Variants in PDE4A observed in about 807,000 individuals in gnomAD.
The protein encoded by PDE4A is phosphodiesterase 4A.
A neutral mutation model predicts 73.9 loss-of-function variants in PDE4A; 21 were observed. The observed-to-expected ratio is 0.28, with a 90% CI of 0.20 to 0.41. The LOEUF is 0.41. Among genes scored for constraint, PDE4A ranks in the 10% least tolerant of loss-of-function variants. PDE4A has a pLI of 1.00. For missense variants in PDE4A, 958 were observed against 1,211.4 expected, an observed-to-expected ratio of 0.79 and a Z score of 3.10; for synonymous variants, 463 against 505.4, an observed-to-expected ratio of 0.92 and a Z score of 1.13.
At chr19:10,447,265 G>A (rs1183268813) in intron 2 of PDE4A, among the ~76,000 whole-genome samples, 1 of 103,096 alleles carries the variant, frequency 9.7e-6, no homozygotes, top group Non-Finnish European at 1.8e-5. Context: ...TCACACTGTC[G>A]CCCAGGCTGG....
intron 1 of PDE4A, among the ~76,000 whole-genome samples, chr19:10,429,279 G>GAAGA (rs201177635): frequency 0.15 from 18,202 of 120,154 alleles, 1,365 homozygotes; most frequent in South Asian, 0.25. Flanking sequence ...AGGAAGGAAG[G>GAAGA]AAGAAAGAAA....
At chr19:10,416,969 C>T (rs117320342), upstream of PDE4A, 2 of 1,544,348 alleles carry the variant, frequency 1.3e-6, no homozygotes, top group Non-Finnish European at 1.7e-6. Flanking sequence ...GTGCCCTGTC[C>T]GTGGCAGGGA....
intron 7 of PDE4A, among the ~76,000 whole-genome samples, chr19:10,456,576 G>T (rs552646553): frequency 3.9e-4 from 59 of 151,794 alleles, no homozygotes; most frequent in African/African-American, 1.3e-3. Context: ...AACTAGTCGG[G>T]CATGGTGGCG....
intron 6 of PDE4A, chr19:10,452,966 T>G: frequency 5.1e-6 from 6 of 1,180,004 alleles, no homozygotes; most frequent in Non-Finnish European, 6.3e-6. Flanking sequence ...CTCCGCAGCC[T>G]CCTCCTGGGA....
At chr19:10,466,825 A>C in intron 14 of PDE4A, 62 bp from the exon 15 acceptor site, 1 of 1,560,112 alleles carries the variant, frequency 6.4e-7, no homozygotes. Flanking sequence ...ATTAGCTCCC[A>C]TAATGTGGTG....
At chr19:10,446,125 G>A in intron 1 of PDE4A, 93 bp from the exon 2 acceptor site, 1 of 1,488,550 alleles carries the variant, frequency 6.7e-7, no homozygotes, top group South Asian at 1.3e-5. Context: ...AGGCATTACA[G>A]GCGTGAGCCA....
At chr19:10,420,383 C>A (rs2042632445), upstream of PDE4A, 1 of 977,608 alleles carries the variant, frequency 1.0e-6, no homozygotes, top group Non-Finnish European at 1.2e-6. The surrounding 1 kb of genome is among the most constrained non-coding windows in gnomAD (Gnocchi z 6.0). Context: ...GAAGGGCCCC[C>A]CTCCTTAGGT....
At chr19:10,418,696 T>G, upstream of PDE4A, 28 of 878,976 alleles carry the variant, frequency 3.2e-5, no homozygotes, top group South Asian at 1.0e-4. Flanking sequence ...CCGCTCCTCG[T>G]TTCCTCCTTC....
upstream of PDE4A, chr19:10,417,760 C>A (rs1234056361): frequency 5.7e-6 from 9 of 1,575,910 alleles, no homozygotes; most frequent in South Asian, 1.1e-5. Context: ...CTGGGCTGGG[C>A]CCAGCCTGAG....
chr19:10,461,971 T>A lies in PDE4A; in HGVS notation c.1715T>A (p.Leu572Gln). Residue 572 changes from leucine (L) to glutamine (Q), a missense_variant, in exon 13 of 15, where the codon CTG becomes CAG. By Grantham distance (113) the Leu-to-Gln change is moderately radical. Around this residue, in one of 3 missense-constraint regions of PDE4A, gnomAD observed 570 missense variants for 827.7 expected, o/e 0.69. Transcript: ENST00000380702. The part of the protein sequence containing the change: ...TKKVTSSGVL[L>Q]LDNYSDRIQV... ...AAAGTGACCAGCTCAGGGGTCCTCC[T>A]GCTAGATAACTACTCCGACCGCATC... is the stretch of plus-strand genomic sequence containing the variant. The A allele has an allele frequency of 2.5e-6, 4 of 1,613,974 alleles. No individual in the cohort carries two copies. The highest frequency in any genetic ancestry group is 3.4e-6 in the Non-Finnish European group (4 of 1,179,934).
intron 1 of PDE4A, among the ~76,000 whole-genome samples, chr19:10,443,280 G>T (rs996423384): frequency 2.6e-5 from 4 of 152,112 alleles, no homozygotes; most frequent in African/African-American, 9.7e-5. Flanking sequence ...CAGTGTTTTG[G>T]GAGCCCAAGG....
chr19:10,454,483 G>A (rs1433464811), intron 6 of PDE4A, among the ~76,000 whole-genome samples: 1 of 152,176 alleles, frequency 6.6e-6, no homozygotes, highest in Non-Finnish European at 1.5e-5. Flanking sequence ...CCATGGCGAC[G>A]GGATTCTCCT....
At chr19:10,448,863 C>G in intron 2 of PDE4A, 54 bp from the exon 3 acceptor site, 2 of 1,610,884 alleles carry the variant, frequency 1.2e-6, no homozygotes, top group Non-Finnish European at 1.7e-6. Context: ...GGGCATCTAC[C>G]CCAGACAGTT....
rs199807445 is a variant in PDE4A, at chr19:10,467,048, G to C, written c.2088G>C (p.Arg696Ser). 6.6e-5 allele frequency: 107 copies of C among 1,614,164 alleles called. No homozygotes were observed. Among genetic ancestry groups the C allele is most frequent in the Non-Finnish European group, 8.3e-5 (98 of 1,180,038 alleles). Residue 696 changes from arginine to serine, a missense_variant, in exon 15 of 15, where the codon AGG (arginine) becomes AGC (serine). Physicochemically the swap from Arg to Ser is moderately radical, Grantham distance 110 (BLOSUM62 -1). This residue lies in a region of PDE4A where 243 missense variants were observed against 245.9 expected (regional missense o/e 0.99). Transcript: ENST00000380702. ...SPSPPPEEES[R>S]GPGHPPLPDK... is the part of the protein sequence containing the mutation. ...CTCCGCCACCCGAGGAGGAGTCAAG[G>C]GGGCCAGGCCACCCACCCCTGCCTG... is the stretch of plus-strand genomic sequence containing the variant.
intron 1 of PDE4A, among the ~76,000 whole-genome samples, chr19:10,444,812 A>G (rs928848572): frequency 6.6e-6 from 1 of 151,756 alleles, no homozygotes; most frequent in African/African-American, 2.4e-5. Context: ...AGCTGGGATT[A>G]CAGGCATCCA....
intron 14 of PDE4A, among the ~76,000 whole-genome samples, chr19:10,465,667 T>C (rs1186203403): frequency 8.1e-6 from 1 of 123,492 alleles, no homozygotes; most frequent in Non-Finnish European, 1.8e-5. Context: ...TTCATAGCAA[T>C]AGTTTGTGGC....
chr19:10,440,629 C>T (rs1383968562), intron 1 of PDE4A, among the ~76,000 whole-genome samples: 1 of 151,968 alleles, frequency 6.6e-6, no homozygotes, highest in African/African-American at 2.4e-5. Context: ...GACAGAGTCT[C>T]GCTCTGTCAT....
In PDE4A at chr19:10,450,585, AT is replaced by A. The variant is rs540629067; in HGVS notation, c.621-7del. On this transcript the variant is annotated splice_polypyrimidine_tract_variant and intron_variant, in intron 4 of 14. Transcript: ENST00000380702. ...GGACCCAGGCTGACATTGCAGCCCC[AT>A]TTTTTTTTTTCTGCAGGCGGTCCCC... is the stretch of plus-strand genomic sequence containing the variant. 3.2e-3 allele frequency: 4,311 copies of A among 1,342,790 alleles called. 3 individuals carry two copies. The highest frequency in any genetic ancestry group is 0.016 in the South Asian group (1,110 of 71,410). 83.2% of individuals were successfully genotyped at this position (1,342,790 alleles called of 1,614,324 possible). A position where few individuals can be genotyped will look rare whatever the true frequency, so the allele number is the denominator to read the frequency against.
At position 10,467,033 on chromosome 19, in the gene PDE4A, C is replaced by T. The variant is rs763448894; in HGVS notation, c.2073C>T (p.Pro691=). 1.6e-5 allele frequency: 26 copies of T among 1,614,138 alleles called. No homozygotes were observed. In the Admixed American group the frequency reaches 1.8e-4, roughly 11 times the overall value. Residue 691 remains proline (P), a synonymous_variant, in exon 15 of 15, where the codon CCC becomes CCT. Coordinates refer to ENST00000380702, the MANE Select transcript of PDE4A (RefSeq NM_001111307.2). ...SAIRQSPSPP[P]EEESRGPGHP... The stretch of plus-strand genomic sequence containing the variant: ...TCCGGCAGAGCCCATCTCCGCCACC[C>T]GAGGAGGAGTCAAGGGGGCCAGGCC...
Sources: gnomAD v4.1 joint callset for allele counts (sites outside exome capture counted in the v4.1 genomes callset) on GRCh38, gnomAD v4.1.1 for gene constraint, gnomAD v4.1.1 regional missense constraint, Gnocchi (gnomAD v3.1) non-coding constraint, MANE v1.5 for transcripts, NCBI Gene and HGNC (gene_info 2026-07-23, HGNC 2026-07-21) for gene names.